The following CFDP1 variants were observed in gnomAD, a reference collection of about 807,000 sequenced individuals.
CFDP1 encodes the protein chromatin remodeling protein CFDP1, also known as heterochromatin-stabilizing protein CFDP1.
Under a neutral mutation model 40.1 loss-of-function variants are expected in CFDP1, and 31 were observed. The observed-to-expected ratio is 0.77, with a 90% CI of 0.58 to 1.04. CFDP1 has a LOEUF of 1.04. Ranked by LOEUF, CFDP1 falls within the 50% of genes least tolerant of loss-of-function variation. CFDP1 has a pLI of 0.00. For synonymous variants in CFDP1, 167 were observed against 120.0 expected (o/e 1.39, Z -2.56); for missense variants, 423 against 343.4 (o/e 1.23, Z -1.83).
intron 6 of CFDP1, among the ~76,000 whole-genome samples, chr16:75,298,342 G>A (rs1209732709): frequency 6.6e-6 from 1 of 152,228 alleles, no homozygotes; most frequent in Non-Finnish European, 1.5e-5. Context: ...GCCCAATGGA[G>A]TGCTGACCCG....
chr16:75,320,107 TAG>T (rs1371973129), intron 5 of CFDP1, among the ~76,000 whole-genome samples: 5 of 152,160 alleles, frequency 3.3e-5, no homozygotes, highest in African/African-American at 9.7e-5. Flanking sequence ...AAACGGTAAG[TAG>T]AGTTTCTTTC....
chr16:75,337,973 A>G (rs922426232), intron 5 of CFDP1, among the ~76,000 whole-genome samples: 2 of 151,936 alleles, frequency 1.3e-5, no homozygotes, highest in Non-Finnish European at 2.9e-5. Context: ...AATTTTTTCA[A>G]CCTTCTCAGA....
intron 4 of CFDP1, among the ~76,000 whole-genome samples, chr16:75,401,461 G>A (rs975056338): frequency 2.0e-5 from 3 of 150,612 alleles, no homozygotes; most frequent in East Asian, 1.9e-4. Context: ...TTAGCTGGGC[G>A]TGGTAGCAGG....
At chr16:75,358,003 C>T (rs1448048240) in intron 5 of CFDP1, among the ~76,000 whole-genome samples, 2 of 152,140 alleles carry the variant, frequency 1.3e-5, no homozygotes, top group African/African-American at 4.8e-5. Flanking sequence ...TACTAACTAG[C>T]CTAATTTCAA....
intron 5 of CFDP1, among the ~76,000 whole-genome samples, chr16:75,312,376 A>T (rs761153371): frequency 2.0e-5 from 3 of 152,244 alleles, no homozygotes; most frequent in Non-Finnish European, 2.9e-5. Context: ...GTACTTTTAA[A>T]TCTATTAATA....
At position 75,345,893 on chromosome 16, in the gene CFDP1, G is replaced by C. The variant is rs959881462; in HGVS notation, c.651-40711C>G. Among the ~76,000 whole-genome samples, 9 of 152,298 alleles carry C rather than the reference G, an allele frequency of 5.9e-5. No individual in the cohort carries two copies. In the South Asian group the frequency reaches 1.0e-3, roughly 18 times the overall value. ...TTGGTGCTCATTTGCTGTAAGACCT[G>C]GTCATGTCATCGGTGACTAAGCTGA... On this transcript the variant is annotated intron_variant, in intron 5 of 6. Transcript: ENST00000283882.
At chr16:75,311,750 T>C (rs1265141516) in intron 5 of CFDP1, among the ~76,000 whole-genome samples, 1 of 150,584 alleles carries the variant, frequency 6.6e-6, no homozygotes, top group African/African-American at 2.4e-5. Context: ...CTGCTTACAA[T>C]GTAGGAATGG....
chr16:75,430,592 T>C (rs762853033), intron 1 of CFDP1, among the ~76,000 whole-genome samples: 1 of 151,862 alleles, frequency 6.6e-6, no homozygotes, highest in Non-Finnish European at 1.5e-5. Context: ...GCCTCCCCAG[T>C]AGATAGGATT....
intron 5 of CFDP1, among the ~76,000 whole-genome samples, chr16:75,313,890 T>A (rs1018687577): frequency 4.2e-5 from 6 of 143,022 alleles, no homozygotes; most frequent in African/African-American, 1.6e-4. Flanking sequence ...GTTCACTGTT[T>A]TTTGTTTTTT....
chr16:75,325,052 C>T lies in CFDP1; in HGVS notation c.651-19870G>A, dbSNP rs546487057. ...CATGGAAAGTCCTTGGACTTTTCTC[C>T]ATCTATACCCACTCTTTGGGTGACT... On this transcript the variant is annotated intron_variant, in intron 5 of 6. Coordinates refer to ENST00000283882, the MANE Select transcript of CFDP1 (RefSeq NM_006324.3). 4 of 152,262 alleles carry T rather than the reference C, an allele frequency of 2.6e-5. No individual in the cohort carries two copies. The East Asian group carries it at 5.8e-4, about 22-fold the overall frequency. 9.4% of individuals were successfully genotyped at this position (152,262 alleles called of 1,614,324 possible).
intron 5 of CFDP1, among the ~76,000 whole-genome samples, chr16:75,344,147 T>C (rs2078545932): frequency 6.6e-6 from 1 of 152,206 alleles, no homozygotes; most frequent in African/African-American, 2.4e-5. Flanking sequence ...TGAAAGTAAC[T>C]AACTTTTGGC....
chr16:75,345,009 C>A (rs148248583), intron 5 of CFDP1, among the ~76,000 whole-genome samples: 1 of 152,160 alleles, frequency 6.6e-6, no homozygotes, highest in East Asian at 1.9e-4. Context: ...GTAATCACAG[C>A]ACCTTGAGAG....
chr16:75,429,815 G>A (rs765245287), intron 1 of CFDP1, among the ~76,000 whole-genome samples: 1 of 152,204 alleles, frequency 6.6e-6, no homozygotes, highest in Non-Finnish European at 1.5e-5. Flanking sequence ...AGTCAAATTA[G>A]CAGTGTCGAC....
At chr16:75,318,914 G>A (rs1162014238) in intron 5 of CFDP1, among the ~76,000 whole-genome samples, 1 of 152,122 alleles carries the variant, frequency 6.6e-6, no homozygotes, top group Non-Finnish European at 1.5e-5. Context: ...TTACATCATA[G>A]ACACCTCTCT....
At chr16:75,303,495 G>A (rs2078236985) in intron 6 of CFDP1, among the ~76,000 whole-genome samples, 1 of 100,194 alleles carries the variant, frequency 1.0e-5, no homozygotes, top group Admixed American at 1.3e-4. Flanking sequence ...GCCTAATTTA[G>A]AAATATGACC....
intron 5 of CFDP1, among the ~76,000 whole-genome samples, chr16:75,337,236 T>C (rs760194022): frequency 2.0e-5 from 3 of 152,094 alleles, no homozygotes; most frequent in South Asian, 2.1e-4. Context: ...GCAGGAATGA[T>C]GACACTGGGA....
rs770450231 is a variant in CFDP1, at chr16:75,414,595, G to A, written c.165C>T (p.Ala55=). 1.2e-6 allele frequency: 2 copies of A among 1,612,360 alleles called. No individual in the cohort carries two copies. The highest frequency in any genetic ancestry group is 1.7e-6 in the Non-Finnish European group (2 of 1,178,672). ...TQKTQGKKRK[A]QSIPARKRRQ... The stretch of plus-strand genomic sequence containing the variant: ...AGCATCACCTGGCTGGAATGCTCTG[G>A]GCCTTTCTTTTTTTCCCTTGGGTTT... The change falls in exon 2 of 7, where the codon GCC becomes GCT. Residue 55 remains alanine, a synonymous_variant. Coordinates refer to ENST00000283882, the MANE Select transcript of CFDP1 (RefSeq NM_006324.3).
chr16:75,411,995 A>T, intron 3 of CFDP1, 43 bp from the exon 4 acceptor site: 1 of 1,561,612 alleles, frequency 6.4e-7, no homozygotes, highest in Non-Finnish European at 8.6e-7. Flanking sequence ...CAAAAGATGA[A>T]CCATATTGTT....
chr16:75,422,175 C>T (rs934126113), intron 1 of CFDP1, among the ~76,000 whole-genome samples: 2 of 152,142 alleles, frequency 1.3e-5, no homozygotes, highest in African/African-American at 4.8e-5. Context: ...CGGCTCACCG[C>T]AACCTCTGCC....
Sources: allele counts gnomAD v4.1 joint callset (sites outside exome capture counted in the v4.1 genomes callset), GRCh38; gene constraint gnomAD v4.1.1; transcripts MANE v1.5; gene names NCBI Gene and HGNC (gene_info 2026-07-23, HGNC 2026-07-21).